Variants in SLC2A12 observed in about 807,000 individuals in gnomAD.
The protein encoded by SLC2A12 is solute carrier family 2 member 12, also known as solute carrier family 2, facilitated glucose transporter member 12.
Under a neutral mutation model 41.8 loss-of-function variants are expected in SLC2A12, and 23 were observed. The ratio of observed to expected loss-of-function variants is 0.55; its 90% CI spans 0.40 to 0.78. SLC2A12 has a LOEUF of 0.78. Among genes scored for constraint, SLC2A12 ranks in the 30% least tolerant of loss-of-function variants. The pLI, the probability that SLC2A12 is intolerant of heterozygous loss-of-function variation, is 0.00. For missense variants in SLC2A12, 654 were observed against 745.6 expected, an observed-to-expected ratio of 0.88 and a Z score of 1.43; for synonymous variants, 295 against 285.9, an observed-to-expected ratio of 1.03 and a Z score of -0.32.
intron 1 of SLC2A12, among the ~76,000 whole-genome samples, chr6:134,038,728 C>CTTTTTTT (rs1777341056): frequency 1.8e-5 from 1 of 54,808 alleles, no homozygotes; most frequent in African/African-American, 1.6e-4. Flanking sequence ...TTTTTTTTTA[C>CTTTTTTT]AAATTCTCGC....
intron 1 of SLC2A12, among the ~76,000 whole-genome samples, chr6:134,036,603 C>G (rs922075809): frequency 6.6e-6 from 1 of 152,104 alleles, no homozygotes; most frequent in Non-Finnish European, 1.5e-5. Flanking sequence ...CCTTCTGGCA[C>G]AAAGTAAATA....
At chr6:134,004,085 G>A (rs9402557) in intron 3 of SLC2A12, among the ~76,000 whole-genome samples, 32,528 of 152,042 alleles carry the variant, frequency 0.21, 3,625 homozygotes, top group East Asian at 0.31. Flanking sequence ...AAGCCCATAC[G>A]GAACTTCTAA....
intron 1 of SLC2A12, among the ~76,000 whole-genome samples, chr6:134,040,676 G>A (rs1194707971): frequency 6.6e-6 from 1 of 152,196 alleles, no homozygotes; most frequent in Non-Finnish European, 1.5e-5. Context: ...AAGGAGGCTT[G>A]GGACAAGGAT....
chr6:134,051,994 T>C (rs1251033541), intron 1 of SLC2A12, among the ~76,000 whole-genome samples: 2 of 152,224 alleles, frequency 1.3e-5, no homozygotes, highest in African/African-American at 4.8e-5. Flanking sequence ...CGTGTGCTTG[T>C]GTGTGTTTAC....
intron 2 of SLC2A12, among the ~76,000 whole-genome samples, chr6:134,010,534 T>A (rs1454210466): frequency 6.6e-6 from 1 of 152,170 alleles, no homozygotes; most frequent in Non-Finnish European, 1.5e-5. Flanking sequence ...GCCTCAGCAA[T>A]TCGTACTCTT....
intron 1 of SLC2A12, 68 bp downstream of exon 1, chr6:134,052,310 C>A: frequency 8.9e-7 from 1 of 1,125,884 alleles, no homozygotes; most frequent in Non-Finnish European, 1.3e-6. Context: ...ACTCAAGAGA[C>A]AGTACACTCG....
intron 2 of SLC2A12, among the ~76,000 whole-genome samples, chr6:134,011,270 G>A (rs1304335777): frequency 6.6e-6 from 1 of 152,124 alleles, no homozygotes; most frequent in Non-Finnish European, 1.5e-5. Flanking sequence ...TCCCTTCCAA[G>A]CAGATGTTTA....
At chr6:134,018,206 A>G (rs1201924813) in intron 2 of SLC2A12, among the ~76,000 whole-genome samples, 3 of 152,158 alleles carry the variant, frequency 2.0e-5, no homozygotes. Flanking sequence ...TCATGTCTAG[A>G]CCACAGCCAG....
intron 4 of SLC2A12, among the ~76,000 whole-genome samples, chr6:133,993,105 C>T (rs1208845420): frequency 6.6e-6 from 1 of 152,098 alleles, no homozygotes; most frequent in Non-Finnish European, 1.5e-5. Context: ...TTTTCAGTCC[C>T]TTTTAACACT....
intron 2 of SLC2A12, among the ~76,000 whole-genome samples, chr6:134,018,960 A>G (rs1421065984): frequency 2.0e-5 from 3 of 152,094 alleles, no homozygotes; most frequent in Non-Finnish European, 4.4e-5. Flanking sequence ...TGCCCATTTG[A>G]GTCCTCAGAG....
At chr6:133,993,250 C>G (rs774240026) in intron 4 of SLC2A12, among the ~76,000 whole-genome samples, 1 of 152,190 alleles carries the variant, frequency 6.6e-6, no homozygotes, top group East Asian at 1.9e-4. Context: ...CCACATTTGA[C>G]TCTAACCCCT....
intron 1 of SLC2A12, among the ~76,000 whole-genome samples, chr6:134,034,711 T>C (rs1777268631): frequency 6.6e-6 from 1 of 152,196 alleles, no homozygotes; most frequent in African/African-American, 2.4e-5. Flanking sequence ...TTTGTGTTTG[T>C]CTACACACAG....
intron 2 of SLC2A12, among the ~76,000 whole-genome samples, chr6:134,018,428 C>T (rs1243615180): frequency 6.6e-6 from 1 of 152,098 alleles, no homozygotes; most frequent in Non-Finnish European, 1.5e-5. Context: ...GCCAGGCAGT[C>T]CAATACCAAA....
Position 134,052,548 on chromosome 6 carries a change from G to C in SLC2A12, c.-68C>G. ...CCCGACCACCCCCGCTCCCAGGAGTGGTCACTTTCCCCATAATAGCATGCT... is the reference window on the plus strand; with the variant it reads ...CCCGACCACCCCCGCTCCCAGGAGTCGTCACTTTCCCCATAATAGCATGCT... On this transcript the variant is annotated 5_prime_UTR_variant, in exon 1 of 5. Coordinates refer to ENST00000275230, the MANE Select transcript of SLC2A12 (RefSeq NM_145176.3). The C allele has an allele frequency of 2.4e-6, 3 of 1,257,980 alleles. No homozygotes were observed. The highest frequency in any genetic ancestry group is 3.4e-6 in the Non-Finnish European group (3 of 870,716). 77.9% of individuals were successfully genotyped at this position (1,257,980 alleles called of 1,614,324 possible).
chr6:134,013,509 TG>T (rs1397719585), intron 2 of SLC2A12, among the ~76,000 whole-genome samples: 1 of 152,046 alleles, frequency 6.6e-6, no homozygotes, highest in Admixed American at 6.6e-5. Flanking sequence ...ATGAGATGGA[TG>T]GGGAGTTTTT....
intron 4 of SLC2A12, among the ~76,000 whole-genome samples, chr6:134,000,033 G>A (rs1776736614): frequency 6.6e-6 from 1 of 152,154 alleles, no homozygotes; most frequent in South Asian, 2.1e-4. Flanking sequence ...CTTATTCAGA[G>A]TCTAATGCTC....
At chr6:134,048,071 A>G (rs566250984) in intron 1 of SLC2A12, among the ~76,000 whole-genome samples, 8 of 152,298 alleles carry the variant, frequency 5.3e-5, no homozygotes, top group Admixed American at 5.2e-4. Context: ...ATCTCCCACC[A>G]TGTTCGCAGC....
intron 2 of SLC2A12, 138 bp downstream of exon 2, chr6:134,028,243 A>C (rs1562199413): frequency 8.6e-7 from 1 of 1,163,286 alleles, no homozygotes; most frequent in Non-Finnish European, 1.2e-6. Flanking sequence ...TAAGCCAAGC[A>C]TACTTTCTGC....
chr6:134,044,642 A>T (rs1777430814), intron 1 of SLC2A12, among the ~76,000 whole-genome samples: 1 of 145,130 alleles, frequency 6.9e-6, no homozygotes, highest in Admixed American at 7.2e-5. Flanking sequence ...TGAACCCAGG[A>T]GGTGAAGGTT....
Sources: gnomAD v4.1 joint callset for allele counts (sites outside exome capture counted in the v4.1 genomes callset) on GRCh38, gnomAD v4.1.1 for gene constraint, MANE v1.5 for transcripts, NCBI Gene and HGNC (gene_info 2026-07-23, HGNC 2026-07-21) for gene names.